The following PALLD variants were observed in gnomAD, a reference collection of about 807,000 sequenced individuals.
PALLD encodes the protein palladin, cytoskeletal associated protein.
Under a neutral mutation model 123.5 loss-of-function variants are expected in PALLD, and 61 were observed. The observed-to-expected ratio is 0.49, with a 90% CI of 0.40 to 0.61. The LOEUF (loss-of-function observed/expected upper bound fraction) is 0.61, where lower values mean the gene tolerates loss of function less well. Among genes scored for constraint, PALLD ranks in the 20% least tolerant of loss-of-function variants. The probability of loss-of-function intolerance (pLI) is 0.00; values close to 1 mark genes in which losing one functional copy is unlikely to be tolerated. For missense variants in PALLD, 1,273 were observed against 1,377.0 expected, an observed-to-expected ratio of 0.92 and a Z score of 1.20; for synonymous variants, 465 against 496.4, an observed-to-expected ratio of 0.94 and a Z score of 0.84.
chr4:168,925,682 T>C (rs1762439683), intron 21 of PALLD, among the ~76,000 whole-genome samples: 1 of 151,886 alleles, frequency 6.6e-6, no homozygotes, highest in Non-Finnish European at 1.5e-5. Flanking sequence ...TCCATTGACA[T>C]AAAAAAAACA....
At chr4:168,692,618 AAGT>A (rs1234861083) in intron 8 of PALLD, among the ~76,000 whole-genome samples, 2 of 152,228 alleles carry the variant, frequency 1.3e-5, no homozygotes, top group East Asian at 3.9e-4. Flanking sequence ...GTAGATATAA[AAGT>A]AGGAACCAAA....
At chr4:168,609,866 A>G (rs1282196051) in intron 2 of PALLD, among the ~76,000 whole-genome samples, 2 of 152,246 alleles carry the variant, frequency 1.3e-5, no homozygotes, top group South Asian at 2.1e-4. Context: ...GATTCCTTCT[A>G]TATCAATGCA....
chr4:168,907,399 G>C (rs767685061), intron 15 of PALLD, among the ~76,000 whole-genome samples: 9 of 152,130 alleles, frequency 5.9e-5, no homozygotes, highest in Non-Finnish European at 1.5e-5. Context: ...TTGTTGCTGT[G>C]TGGTCTTCTG....
In PALLD at chr4:168,926,619, T is replaced by C. The variant is rs972893704; in HGVS notation, c.*439T>C. ...CACATTTACTGTCCAATTTAAAACT[T>C]TGGAATTGCTGTGATTAAAGTGATC... On this transcript the variant is annotated 3_prime_UTR_variant, in exon 22 of 22. Transcript: ENST00000505667. 21 of 429,238 alleles carry C rather than the reference T, an allele frequency of 4.9e-5. No individual in the cohort carries two copies. Among genetic ancestry groups the C allele is most frequent in the Non-Finnish European group, 8.7e-5 (21 of 240,032 alleles). The allele number at this position is 429,238 out of a possible 1,614,324, so 26.6% of individuals were successfully genotyped here. A position where few individuals can be genotyped will look rare whatever the true frequency, so the allele number is the denominator to read the frequency against.
chr4:168,709,835 G>A (rs1327125561), intron 9 of PALLD, among the ~76,000 whole-genome samples: 1 of 151,816 alleles, frequency 6.6e-6, no homozygotes, highest in Non-Finnish European at 1.5e-5. Context: ...ACACACAGGG[G>A]GCTTTCTTTA....
At chr4:168,808,281 C>T (rs916162764) in intron 10 of PALLD, among the ~76,000 whole-genome samples, 2 of 151,602 alleles carry the variant, frequency 1.3e-5, no homozygotes, top group Non-Finnish European at 2.9e-5. Flanking sequence ...GAGATCGAGA[C>T]CATCCTGGCT....
chr4:168,607,489 C>A (rs1773303553), intron 2 of PALLD, among the ~76,000 whole-genome samples: 1 of 152,082 alleles, frequency 6.6e-6, no homozygotes, highest in South Asian at 2.1e-4. Context: ...CTACAGCGGA[C>A]CCTTGTATTC....
At chr4:168,767,640 C>A (rs200374893) in intron 10 of PALLD, among the ~76,000 whole-genome samples, 13 of 151,686 alleles carry the variant, frequency 8.6e-5, no homozygotes, top group Non-Finnish European at 1.8e-4. Context: ...CTCCGCCTCC[C>A]GGGTTCAAGC....
At chr4:168,852,271 G>T (rs926841603) in intron 10 of PALLD, among the ~76,000 whole-genome samples, 1 of 152,114 alleles carries the variant, frequency 6.6e-6, no homozygotes, top group Non-Finnish European at 1.5e-5. Flanking sequence ...TTCTGTTTTA[G>T]GCCACACTGT....
At chr4:168,902,272 G>A (rs1013302002) in intron 14 of PALLD, among the ~76,000 whole-genome samples, 4 of 152,038 alleles carry the variant, frequency 2.6e-5, no homozygotes, top group Admixed American at 6.6e-5. Flanking sequence ...TAGGAATCAG[G>A]AATACTTTTG....
intron 10 of PALLD, among the ~76,000 whole-genome samples, chr4:168,829,721 T>G (rs1743924164): frequency 6.6e-6 from 1 of 152,134 alleles, no homozygotes; most frequent in Non-Finnish European, 1.5e-5. Context: ...CCCTTTGACA[T>G]GGGCGTAAAC....
intron 2 of PALLD, among the ~76,000 whole-genome samples, chr4:168,628,013 A>G (rs1310807241): frequency 1.3e-5 from 2 of 152,232 alleles, no homozygotes; most frequent in African/African-American, 4.8e-5. Context: ...ACCATTTAAC[A>G]TTGCTAGTGG....
intron 2 of PALLD, among the ~76,000 whole-genome samples, chr4:168,614,466 T>C (rs1774029353): frequency 6.6e-6 from 1 of 152,190 alleles, no homozygotes. Context: ...ATGTGTATCA[T>C]ACATGTTTGA....
At chr4:168,812,492 G>T (rs4692950) in intron 10 of PALLD, among the ~76,000 whole-genome samples, 16 of 152,046 alleles carry the variant, frequency 1.1e-4, no homozygotes, top group South Asian at 2.1e-4. Flanking sequence ...ACAGGGAGTT[G>T]GGCAGAAAGT....
intron 2 of PALLD, chr4:168,647,793 A>AAG (rs1388759514): frequency 6.6e-6 from 1 of 151,708 alleles, no homozygotes; most frequent in Admixed American, 6.6e-5. Flanking sequence ...AAAAAAAAAA[A>AAG]AAAAAAAAAG....
At chr4:168,506,965 TCTC>T (rs1343142418) in intron 1 of PALLD, among the ~76,000 whole-genome samples, 1 of 152,076 alleles carries the variant, frequency 6.6e-6, no homozygotes. Flanking sequence ...GATTCTATCT[TCTC>T]CTTCTTTTTT....
chr4:168,586,129 G>A (rs998038309), intron 2 of PALLD, among the ~76,000 whole-genome samples: 5 of 127,712 alleles, frequency 3.9e-5, no homozygotes, highest in South Asian at 2.4e-4. Flanking sequence ...ATACTACATC[G>A]CTTCTCCAGG....
chr4:168,631,765 A>G, intron 2 of PALLD: 1 of 985,398 alleles, frequency 1.0e-6, no homozygotes, highest in Non-Finnish European at 1.2e-6. Flanking sequence ...CTGCCAGTTA[A>G]TTTTCTCCGT....
chr4:168,730,005 G>A (rs1490747341), intron 10 of PALLD, among the ~76,000 whole-genome samples: 1 of 152,174 alleles, frequency 6.6e-6, no homozygotes, highest in African/African-American at 2.4e-5. Flanking sequence ...ACTTTGAAAT[G>A]TTGTGATGAT....
Sources: gnomAD v4.1 joint callset for allele counts (sites outside exome capture counted in the v4.1 genomes callset) on GRCh38, gnomAD v4.1.1 for gene constraint, MANE v1.5 for transcripts, NCBI Gene and HGNC (gene_info 2026-07-23, HGNC 2026-07-21) for gene names.